SNX18: variants seen among roughly 807,000 people sequenced by gnomAD.
SNX18 encodes sorting nexin-18.
In SNX18, 35 loss-of-function variants were observed where a neutral mutation model predicts 48.7. The ratio of observed to expected loss-of-function variants is 0.72; its 90% CI spans 0.55 to 0.95. The LOEUF (loss-of-function observed/expected upper bound fraction) is 0.95, where lower values mean the gene tolerates loss of function less well. Ranked by LOEUF, SNX18 falls within the 40% of genes least tolerant of loss-of-function variation. The probability of loss-of-function intolerance (pLI) is 0.00; values close to 1 mark genes in which losing one functional copy is unlikely to be tolerated. For synonymous variants in SNX18, 492 were observed against 384.7 expected (o/e 1.28, Z -3.26); for missense variants, 824 against 871.0 (o/e 0.95, Z 0.68).
the SNX18 span, among the ~76,000 whole-genome samples, chr5:54,585,740 AC>A: frequency 6.6e-6 from 1 of 152,148 alleles, no homozygotes; most frequent in Non-Finnish European, 1.5e-5. Flanking sequence ...GCGGTGGCTC[AC>A]GCCTGTAATC....
At chr5:54,646,286 T>C in the SNX18 span, among the ~76,000 whole-genome samples, 9 of 152,366 alleles carry the variant, frequency 5.9e-5, no homozygotes, top group South Asian at 1.0e-3. Context: ...TCTTTTCTTC[T>C]GCTGCTTTTC....
At chr5:54,577,348 T>C in the SNX18 span, among the ~76,000 whole-genome samples, 2 of 131,340 alleles carry the variant, frequency 1.5e-5, no homozygotes, top group East Asian at 5.4e-4. Context: ...TCTGGCCCAC[T>C]CCCCGCCCCC....
At chr5:54,567,546 C>T in the SNX18 span, among the ~76,000 whole-genome samples, 4 of 152,116 alleles carry the variant, frequency 2.6e-5, no homozygotes, top group African/African-American at 9.6e-5. Context: ...TTTGTCCTTA[C>T]AAAAACATCA....
At chr5:54,611,970 T>C in the SNX18 span, among the ~76,000 whole-genome samples, 1 of 151,936 alleles carries the variant, frequency 6.6e-6, no homozygotes, top group Non-Finnish European at 1.5e-5. Context: ...CTCAAACTCC[T>C]GGACTCAAGC....
At chr5:54,529,007 CT>C (rs1386098854) in intron 1 of SNX18, among the ~76,000 whole-genome samples, 1 of 152,152 alleles carries the variant, frequency 6.6e-6, no homozygotes, top group East Asian at 1.9e-4. Flanking sequence ...GGGTTTACAG[CT>C]GCTGTTGGAG....
the SNX18 span, among the ~76,000 whole-genome samples, chr5:54,612,926 G>A: frequency 6.6e-6 from 1 of 152,200 alleles, no homozygotes; most frequent in Non-Finnish European, 1.5e-5. Context: ...CAGACGTAAG[G>A]CATCTAATCG....
Position 54,517,913 on chromosome 5 carries a change from G to T in SNX18, c.-40G>T. ...GCCCCTCAGGTGGGCCTCGGCTCGG[G>T]ACGCCGGGAGTCGGGACCGCCAGTC... On this transcript the variant is annotated 5_prime_UTR_variant, in exon 1 of 2. Transcript: ENST00000381410. 6.8e-7 allele frequency: 1 copy of T among 1,474,232 alleles called. No individual in the cohort carries two copies. The highest frequency in any genetic ancestry group is 8.9e-7 in the Non-Finnish European group (1 of 1,118,560). 91.3% of individuals were successfully genotyped at this position (1,474,232 alleles called of 1,614,324 possible). A position where few individuals can be genotyped will look rare whatever the true frequency, so the allele number is the denominator to read the frequency against.
chr5:54,555,968 C>G, the SNX18 span, among the ~76,000 whole-genome samples: 1 of 151,980 alleles, frequency 6.6e-6, no homozygotes, highest in Non-Finnish European at 1.5e-5. Flanking sequence ...CTGAGGTTTC[C>G]TTGCTATAAT....
the SNX18 span, among the ~76,000 whole-genome samples, chr5:54,621,307 C>T: frequency 2.0e-5 from 3 of 152,230 alleles, no homozygotes; most frequent in African/African-American, 4.8e-5. Context: ...AATCAACAAT[C>T]TCCCTTTTTA....
At chr5:54,575,993 A>C in the SNX18 span, among the ~76,000 whole-genome samples, 1 of 152,242 alleles carries the variant, frequency 6.6e-6, no homozygotes, top group Non-Finnish European at 1.5e-5. Context: ...CACTCTTTTG[A>C]AGACAGTAAG....
At chr5:54,532,842 A>G (rs1561118578) in intron 1 of SNX18, among the ~76,000 whole-genome samples, 1 of 152,224 alleles carries the variant, frequency 6.6e-6, no homozygotes, top group Admixed American at 6.5e-5. Flanking sequence ...CATTTTTGGA[A>G]TGAGGTAAAC....
the SNX18 span, among the ~76,000 whole-genome samples, chr5:54,581,002 C>CA: frequency 6.6e-6 from 1 of 152,004 alleles, no homozygotes; most frequent in Non-Finnish European, 1.5e-5. Flanking sequence ...AGGTAGGACT[C>CA]AAAAAGGATG....
At chr5:54,581,256 G>T in the SNX18 span, among the ~76,000 whole-genome samples, 1 of 152,148 alleles carries the variant, frequency 6.6e-6, no homozygotes, top group Non-Finnish European at 1.5e-5. Flanking sequence ...TGCATGCCAA[G>T]TTATATTTGG....
the SNX18 span, among the ~76,000 whole-genome samples, chr5:54,590,873 C>T: frequency 2.6e-5 from 4 of 152,100 alleles, no homozygotes; most frequent in Non-Finnish European, 4.4e-5. Context: ...TGGTTATCTC[C>T]TGCCTGACGC....
At chr5:54,642,935 C>G in the SNX18 span, among the ~76,000 whole-genome samples, 1 of 152,142 alleles carries the variant, frequency 6.6e-6, no homozygotes, top group African/African-American at 2.4e-5. Context: ...AACAAACATG[C>G]ATGTAACACA....
At chr5:54,570,981 G>GAA in the SNX18 span, among the ~76,000 whole-genome samples, 1 of 152,210 alleles carries the variant, frequency 6.6e-6, no homozygotes, top group Non-Finnish European at 1.5e-5. Flanking sequence ...GAACACTCAA[G>GAA]CCTCTTGCCA....
At chr5:54,537,793 T>C (rs1762385358) in intron 1 of SNX18, among the ~76,000 whole-genome samples, 1 of 152,216 alleles carries the variant, frequency 6.6e-6, no homozygotes, top group Admixed American at 6.5e-5. Flanking sequence ...CTTGTGTTAT[T>C]TAGATTCTGG....
rs182921107 is a variant in SNX18 at position 54,532,196 on chromosome 5, G to A, written c.1622-10983G>A. Among the ~76,000 whole-genome samples, 1,038 of 152,062 alleles carry A rather than the reference G, an allele frequency of 6.8e-3. 7 individuals are homozygous for A. The highest frequency in any genetic ancestry group is 0.012 in the Non-Finnish European group (788 of 67,982). ...ATCTTTCTAGAAAAAAAGAAAATAA[G>A]GTTTTACCTTTCATTAAAGGTACTT... On this transcript the variant is annotated intron_variant, in intron 1 of 1. Transcript: ENST00000381410.
the SNX18 span, among the ~76,000 whole-genome samples, chr5:54,591,016 T>C: frequency 1.7e-3 from 261 of 151,890 alleles, 1 homozygote; most frequent in Non-Finnish European, 3.0e-3. Context: ...CCCCCTCACT[T>C]CTCCTTTTTT....
Sources: gnomAD v4.1 joint callset for allele counts (sites outside exome capture counted in the v4.1 genomes callset) on GRCh38, gnomAD v4.1.1 for gene constraint, MANE v1.5 for transcripts, NCBI Gene and HGNC (gene_info 2026-07-23, HGNC 2026-07-21) for gene names.